The following MCM6 variants were observed in gnomAD, a reference collection of about 807,000 sequenced individuals.
MCM6 encodes minichromosome maintenance complex component 6, also known as DNA replication licensing factor MCM6.
In MCM6, 46 loss-of-function variants were observed where a neutral mutation model predicts 94.3. The ratio of observed to expected loss-of-function variants is 0.49; its 90% CI spans 0.39 to 0.62. The LOEUF (loss-of-function observed/expected upper bound fraction) is 0.62. Among genes scored for constraint, MCM6 ranks in the 20% least tolerant of loss-of-function variants. MCM6 has a pLI of 0.00. For missense variants in MCM6, 865 were observed against 1,017.9 expected (o/e 0.85, Z 2.04); for synonymous variants, 335 against 351.9 (o/e 0.95, Z 0.54).
At chr2:135,861,916 A>C (rs919423493) in intron 8 of MCM6, among the ~76,000 whole-genome samples, 2 of 152,198 alleles carry the variant, frequency 1.3e-5, no homozygotes, top group African/African-American at 4.8e-5. Context: ...GCACCCGGCC[A>C]GTACATCCTA....
intron 4 of MCM6, among the ~76,000 whole-genome samples, chr2:135,867,717 T>C (rs1680125281): frequency 6.6e-6 from 1 of 152,052 alleles, no homozygotes; most frequent in African/African-American, 2.4e-5. Context: ...CACGGACTTA[T>C]TCAGTTTGCT....
intron 12 of MCM6, 123 bp downstream of exon 12, chr2:135,852,664 A>G (rs1321704306): frequency 4.3e-6 from 3 of 692,926 alleles, no homozygotes; most frequent in Non-Finnish European, 6.2e-6. Context: ...AAAAAAAAAA[A>G]AGTTGTAAAA....
chr2:135,844,446 C>G lies in MCM6; in HGVS notation c.2349+99G>C, dbSNP rs1362625103. On this transcript the variant is annotated intron_variant, in intron 16 of 16. Coordinates refer to ENST00000264156, the MANE Select transcript of MCM6 (RefSeq NM_005915.6). ...CTGACTACACTCCAATGATTCAAAA[C>G]AAACAAAGGTCAAAAAAAATTTCAC... 18 of 1,115,124 alleles carry G rather than the reference C, an allele frequency of 1.6e-5. No individual in the cohort carries two copies. The South Asian group carries it at 3.9e-4, about 24-fold the overall frequency. The allele number at this position is 1,115,124 out of a possible 1,614,324, so 69.1% of individuals were successfully genotyped here.
rs1167903540 is a variant in MCM6, at chr2:135,840,948, G to A, written c.2353C>T (p.His785Tyr). ...KVIHRLTHYDHVLIELTQAGL... is the reference protein window; with the variant it reads ...KVIHRLTHYDYVLIELTQAGL... ...GCCTGGGTGAGCTCAATTAGAACAT[G>A]ATCCTGTGAAACACAAATATTTGTC... Residue 785 changes from histidine to tyrosine, a missense_variant, in exon 17 of 17, where the codon CAT becomes TAT. Coordinates refer to ENST00000264156, the MANE Select transcript of MCM6 (RefSeq NM_005915.6). 1 of 1,610,168 alleles carries A rather than the reference G, an allele frequency of 6.2e-7. No homozygotes were observed. The highest frequency in any genetic ancestry group is 2.2e-5 in the East Asian group (1 of 44,872).
In MCM6 at chr2:135,848,194, C is replaced by T; in HGVS notation, c.1918-6G>A. On this transcript the variant is annotated splice_region_variant and splice_polypyrimidine_tract_variant and intron_variant, in intron 13 of 16. Transcript: ENST00000264156. Reference sequence around the variant, plus strand: ...TTCACATGTTTAGGTTGGACCTAAACCAATAATGATGAAGTAATTAAGCTA... The same window carrying T: ...TTCACATGTTTAGGTTGGACCTAAATCAATAATGATGAAGTAATTAAGCTA... 6.3e-7 allele frequency: 1 copy of T among 1,596,624 alleles called. No individual in the cohort carries two copies.
intron 8 of MCM6, among the ~76,000 whole-genome samples, chr2:135,861,665 T>A (rs1382997848): frequency 1.3e-5 from 2 of 152,168 alleles, no homozygotes; most frequent in Non-Finnish European, 2.9e-5. Flanking sequence ...CAGGATGGAG[T>A]GCAGTGGCGC....
Position 135,851,480 on chromosome 2 carries a change from T to A in MCM6, c.1839A>T (p.Ser613=). The A allele has an allele frequency of 6.2e-7, 1 of 1,613,836 alleles. No homozygotes were observed. The highest frequency in any genetic ancestry group is 8.5e-7 in the Non-Finnish European group (1 of 1,179,918). The change falls in exon 13 of 17, where the codon TCA becomes TCT. Residue 613 remains serine, a synonymous_variant. Coordinates refer to ENST00000264156, the MANE Select transcript of MCM6 (RefSeq NM_005915.6). ...QRDGSGVTKS[S]WRITVRQLES... ...CAAGCTGTCGCACTGTAATCCTCCATGAAGACTTGGTCACTCCAGAACCAT... is the reference window on the plus strand; with the variant it reads ...CAAGCTGTCGCACTGTAATCCTCCAAGAAGACTTGGTCACTCCAGAACCAT...
chr2:135,873,664 ACAGAGGTAC>A (rs3835799), intron 1 of MCM6, among the ~76,000 whole-genome samples: 75,634 of 151,616 alleles, frequency 0.5, 22,927 homozygotes, highest in Non-Finnish European at 0.7. Flanking sequence ...AAGCCCTATA[ACAGAGGTAC>A]CTGAGGCTGA....
At chr2:135,846,141 G>T in intron 15 of MCM6, 96 bp downstream of exon 15, 2 of 1,280,158 alleles carry the variant, frequency 1.6e-6, no homozygotes, top group South Asian at 2.8e-5. Flanking sequence ...CCTCTCTTCC[G>T]ACAGAACAAC....
intron 16 of MCM6, among the ~76,000 whole-genome samples, chr2:135,841,800 G>A (rs1357878170): frequency 6.6e-6 from 1 of 152,150 alleles, no homozygotes; most frequent in African/African-American, 2.4e-5. Context: ...CAGGTGGTAA[G>A]CCAAATTTTA....
intron 10 of MCM6, 100 bp from the exon 11 acceptor site, chr2:135,856,983 CCAAAATAATGA>C: frequency 6.6e-6 from 7 of 1,067,052 alleles, no homozygotes; most frequent in Non-Finnish European, 8.0e-6. Flanking sequence ...TAAACACAAA[CCAAAATAATGA>C]CATACCCTTT....
rs1553437054 is a variant in MCM6, at chr2:135,840,234, A to AAC, written c.*600_*601insGT. The AAC allele has an allele frequency of 6.9e-6, 1 of 145,674 alleles. No homozygotes were observed. The highest frequency in any genetic ancestry group is 2.5e-5 in the African/African-American group (1 of 40,302). The allele number at this position is 145,674 out of a possible 1,614,324, so 9.0% of individuals were successfully genotyped here. A position where few individuals can be genotyped will look rare whatever the true frequency, so the allele number is the denominator to read the frequency against. ...AACTTTTATAAACTTAAAAAAAAAA[A>AAC]AAAACAACTGGAATTAACCTTGGAA... On this transcript the variant is annotated 3_prime_UTR_variant, in exon 17 of 17. Coordinates refer to ENST00000264156, the MANE Select transcript of MCM6 (RefSeq NM_005915.6).
intron 2 of MCM6, among the ~76,000 whole-genome samples, chr2:135,872,221 G>A (rs1002021501): frequency 2.6e-5 from 4 of 152,136 alleles, no homozygotes; most frequent in African/African-American, 7.2e-5. Context: ...CGAGGCGGGC[G>A]GATCACCTGA....
rs1424623707 is a variant in MCM6, at chr2:135,840,227, A to T, written c.*608T>A. The T allele has an allele frequency of 2.1e-5, 3 of 144,948 alleles. No individual in the cohort carries two copies. Among genetic ancestry groups the T allele is most frequent in the Admixed American group, 7.1e-5 (1 of 14,100 alleles). 9.0% of individuals were successfully genotyped at this position (144,948 alleles called of 1,614,324 possible). On this transcript the variant is annotated 3_prime_UTR_variant, in exon 17 of 17. Coordinates refer to ENST00000264156, the MANE Select transcript of MCM6 (RefSeq NM_005915.6). ...TATAATAAACTTTTATAAACTTAAA[A>T]AAAAAAAAAAACAACTGGAATTAAC...
Position 135,867,369 on chromosome 2 carries a change from T to TC in MCM6, c.616-642dup, listed in dbSNP as rs527569087. 1.1e-3 allele frequency among the ~76,000 whole-genome samples: 165 copies of TC among 150,232 alleles called. 1 individual carries two copies. Among genetic ancestry groups the TC allele is most frequent in the African/African-American group, 2.7e-3 (109 of 40,846 alleles). On this transcript the variant is annotated intron_variant, in intron 4 of 16. Transcript: ENST00000264156. The stretch of plus-strand genomic sequence containing the variant: ...AAGAGTGTCCTTTATACAGTTGTGT[T>TC]CCCCCCCCCAAACTAAGACCCAATC...
In MCM6 at chr2:135,865,020, A is replaced by G. The variant is rs1680064600; in HGVS notation, c.1071T>C (p.Thr357=). ...YHNLCTSLFP[T]IHGNDEVKRG... is the part of the protein sequence containing the mutation. ...AATGGATGGAATTCTTACCATGTAT[A>G]GTAGGGAACAGGCTGGTACAAAGAT... is the stretch of plus-strand genomic sequence containing the variant. The change falls in exon 7 of 17, where the codon ACT becomes ACC. Residue 357 remains threonine (T), a synonymous_variant. Transcript: ENST00000264156. 1 of 1,448,268 alleles carries G rather than the reference A, an allele frequency of 6.9e-7. No homozygotes were observed. The highest frequency in any genetic ancestry group is 1.7e-5 in the South Asian group (1 of 58,994). The allele number at this position is 1,448,268 out of a possible 1,614,324, so 89.7% of individuals were successfully genotyped here.
At chr2:135,868,548 A>T (rs1191193836) in intron 4 of MCM6, 63 bp downstream of exon 4, 1 of 1,525,252 alleles carries the variant, frequency 6.6e-7, no homozygotes, top group East Asian at 2.3e-5. Context: ...AGCTATTGCA[A>T]GGGCCTAGAA....
At chr2:135,875,998 T>C (rs1680288796) in intron 1 of MCM6, among the ~76,000 whole-genome samples, 1 of 152,126 alleles carries the variant, frequency 6.6e-6, no homozygotes, top group Admixed American at 6.5e-5. Flanking sequence ...GTGGTGAGCA[T>C]CAAGTGACAG....
intron 16 of MCM6, 72 bp downstream of exon 16, chr2:135,844,472 TA>T (rs1679634152): frequency 7.6e-7 from 1 of 1,321,414 alleles, no homozygotes; most frequent in African/African-American, 1.5e-5. Context: ...AAAATTTCAC[TA>T]GTGAACCTGC....
Sources: allele counts gnomAD v4.1 joint callset (sites outside exome capture counted in the v4.1 genomes callset), GRCh38; gene constraint gnomAD v4.1.1; transcripts MANE v1.5; gene names NCBI Gene and HGNC (gene_info 2026-07-23, HGNC 2026-07-21).